SLC38A4: variants seen among roughly 807,000 people sequenced by gnomAD.
SLC38A4 encodes the protein sodium-coupled neutral amino acid transporter 4.
Under a neutral mutation model 63.1 loss-of-function variants are expected in SLC38A4, and 20 were observed. The ratio of observed to expected loss-of-function variants is 0.32; its 90% confidence interval spans 0.22 to 0.46. The LOEUF (loss-of-function observed/expected upper bound fraction) is 0.46, where lower values mean the gene tolerates loss of function less well. SLC38A4 is among the 20% of genes least tolerant of loss of function. The pLI is 1.00. For missense variants in SLC38A4, 526 were observed against 663.6 expected, an observed-to-expected ratio of 0.79 and a Z score of 2.28; for synonymous variants, 230 against 225.5, an observed-to-expected ratio of 1.02 and a Z score of -0.18.
chr12:46,831,879 A>C lies in SLC38A4; in HGVS notation c.-108+448T>G, dbSNP rs1939736316. Among the ~76,000 whole-genome samples the C allele has an allele frequency of 2.0e-5, 3 of 152,126 alleles. No individual in the cohort carries two copies. The South Asian group carries it at 6.2e-4, about 31-fold the overall frequency. On this transcript the variant is annotated intron_variant, in intron 1 of 6. Coordinates refer to the SLC38A4 transcript ENST00000546940. Reference sequence around the variant, plus strand: ...GCCAGGCAGGCGGCGCGGCCACGGAACGCAGTCCCAATACAACCAACTCGA... The same window carrying C: ...GCCAGGCAGGCGGCGCGGCCACGGACCGCAGTCCCAATACAACCAACTCGA...
In SLC38A4 at chr12:46,792,967, C is replaced by G. The variant is rs1363510675; in HGVS notation, c.105G>C (p.Lys35Asn). The change falls in exon 3 of 17, where the codon AAG becomes AAC. Residue 35 changes from lysine (K) to asparagine (N), a missense_variant. By Grantham distance (94) the Lys-to-Asn change is moderately conservative (BLOSUM62 0). Coordinates refer to ENST00000266579, the MANE Select transcript of SLC38A4 (RefSeq NM_018018.5). ...TAACCCCATACCTGCTCATTGCTGC[C>G]TTTTCTGAATTTCCTATCCCGATGT... ...DSYIGIGNSEKAAMSSQFANE... is the reference protein window; with the variant it reads ...DSYIGIGNSENAAMSSQFANE... The G allele has an allele frequency of 1.9e-6, 3 of 1,612,742 alleles. No individual in the cohort carries two copies. The highest frequency in any genetic ancestry group is 2.5e-6 in the Non-Finnish European group (3 of 1,179,112).
At chr12:46,831,073 A>T (rs969485060) in intron 1 of SLC38A4, among the ~76,000 whole-genome samples, 1 of 152,152 alleles carries the variant, frequency 6.6e-6, no homozygotes, top group Admixed American at 6.5e-5. Context: ...CTGGTGCTCA[A>T]AGTAAGGGCA....
At chr12:46,788,165 C>T (rs1938802813) in intron 4 of SLC38A4, 134 bp from the exon 5 acceptor site, 2 of 620,396 alleles carry the variant, frequency 3.2e-6, no homozygotes, top group Non-Finnish European at 5.7e-6. Flanking sequence ...GGAGTAAAGC[C>T]ATTACTCAAC....
At chr12:46,802,137 G>A (rs774657866) in intron 2 of SLC38A4, among the ~76,000 whole-genome samples, 6 of 152,012 alleles carry the variant, frequency 3.9e-5, no homozygotes, top group Non-Finnish European at 7.4e-5. Flanking sequence ...TTGAATATGC[G>A]ATTTTGTTTA....
chr12:46,777,118 A>T, intron 12 of SLC38A4, 114 bp from the exon 13 acceptor site: 1 of 803,884 alleles, frequency 1.2e-6, no homozygotes, highest in Non-Finnish European at 2.0e-6. Flanking sequence ...ATGAAGACAT[A>T]TTTAGTACAT....
At chr12:46,815,272 TATATATATATATACACAC>T (rs1230469603) in intron 1 of SLC38A4, among the ~76,000 whole-genome samples, 1 of 65,104 alleles carries the variant, frequency 1.5e-5, no homozygotes. Flanking sequence ...TATATATATA[TATATATATATATACACAC>T]ACACACACAC....
chr12:46,769,435 CA>C lies in SLC38A4; in HGVS notation c.1300-8del, dbSNP rs534784637. 1.2e-3 allele frequency: 1,957 copies of C among 1,610,080 alleles called. 2 individuals are homozygous for C. The highest frequency in any genetic ancestry group is 1.3e-3 in the Non-Finnish European group (1,556 of 1,177,100). On this transcript the variant is annotated splice_region_variant and splice_polypyrimidine_tract_variant and intron_variant, in intron 14 of 16. Transcript: ENST00000266579. ...TGATCACTGATGTACGAATCTTAAACAAGAAAGTTCAAAGGCAAGATCATTT... is the reference window on the plus strand; with the variant it reads ...TGATCACTGATGTACGAATCTTAAACAGAAAGTTCAAAGGCAAGATCATTT...
At chr12:46,769,500 A>C in intron 14 of SLC38A4, 72 bp from the exon 15 acceptor site, 35 of 1,492,180 alleles carry the variant, frequency 2.3e-5, no homozygotes, top group Non-Finnish European at 2.9e-5. Context: ...AAATATTCTC[A>C]TCACTCTAAT....
intron 4 of SLC38A4, among the ~76,000 whole-genome samples, 154 bp from the exon 5 acceptor site, chr12:46,788,185 A>C (rs1383392633): frequency 1.3e-5 from 2 of 152,240 alleles, no homozygotes; most frequent in African/African-American, 4.8e-5. Flanking sequence ...CATCAATAAA[A>C]GCATGTAATT....
At position 46,788,716 on chromosome 12, in the gene SLC38A4, G is replaced by A; in HGVS notation, c.120-98C>T. 7 of 1,127,562 alleles carry A rather than the reference G, an allele frequency of 6.2e-6. No homozygotes were observed. In the South Asian group the frequency reaches 7.1e-5, roughly 11 times the overall value. The allele number at this position is 1,127,562 out of a possible 1,614,324, so 69.8% of individuals were successfully genotyped here. On this transcript the variant is annotated intron_variant, in intron 3 of 16. Transcript: ENST00000266579. ...GGTGATCTAAGTAACTGAATCAGAG[G>A]AGGGGAAATAAGACACCCCAATTTT...
At position 46,778,716 on chromosome 12, in the gene SLC38A4, T is replaced by A; in HGVS notation, c.778A>T (p.Asn260Tyr). ...PLPVLDHSVG[N>Y]LSFNNTLPMH... ...GGAAGCGTGTTGTTGAATGACAGAT[T>A]TCCAACACTGTGATCCAAAACAGGT... The change falls in exon 11 of 17, where the codon AAT becomes TAT. Residue 260 changes from asparagine (N) to tyrosine (Y), a missense_variant. Transcript: ENST00000266579. 6.2e-7 allele frequency: 1 copy of A among 1,612,818 alleles called. No individual in the cohort carries two copies. Among genetic ancestry groups the A allele is most frequent in the Non-Finnish European group, 8.5e-7 (1 of 1,179,266 alleles).
intron 1 of SLC38A4, among the ~76,000 whole-genome samples, chr12:46,820,877 G>A (rs1035380188): frequency 1.3e-5 from 2 of 151,964 alleles, no homozygotes; most frequent in Admixed American, 6.6e-5. Flanking sequence ...GTCCTAATGT[G>A]TGTGTGGTGA....
intron 2 of SLC38A4, among the ~76,000 whole-genome samples, chr12:46,797,632 T>C (rs894355754): frequency 6.6e-6 from 1 of 152,164 alleles, no homozygotes; most frequent in African/African-American, 2.4e-5. Flanking sequence ...ATCTTATATC[T>C]ATATACATCT....
chr12:46,811,050 A>G (rs2120890823), intron 1 of SLC38A4, among the ~76,000 whole-genome samples: 1 of 152,172 alleles, frequency 6.6e-6, no homozygotes, highest in East Asian at 1.9e-4. Flanking sequence ...ATGGGCATAT[A>G]ATATTTTTTA....
Position 46,764,836 on chromosome 12 carries a change from G to T in SLC38A4, c.*1865C>A, listed in dbSNP as rs1024295854. The T allele has an allele frequency of 2.6e-5, 4 of 152,602 alleles. No homozygotes were observed. The East Asian group carries it at 7.7e-4, about 29-fold the overall frequency. The allele number at this position is 152,602 out of a possible 1,614,324, so 9.5% of individuals were successfully genotyped here. On this transcript the variant is annotated 3_prime_UTR_variant, in exon 17 of 17. Coordinates refer to ENST00000266579, the MANE Select transcript of SLC38A4 (RefSeq NM_018018.5). ...AAAAAGAAGCCTCCCAATACATTGA[G>T]CCATCTTATAAATGAAATAAGAAAA... is the stretch of plus-strand genomic sequence containing the variant.
At chr12:46,831,813 G>T (rs577350665) in intron 1 of SLC38A4, among the ~76,000 whole-genome samples, 2 of 149,152 alleles carry the variant, frequency 1.3e-5, no homozygotes, top group African/African-American at 5.2e-5. Context: ...GATCCCGGGC[G>T]GTCGCGGAGC....
At chr12:46,822,622 T>G (rs1939573104) in intron 1 of SLC38A4, among the ~76,000 whole-genome samples, 1 of 152,064 alleles carries the variant, frequency 6.6e-6, no homozygotes, top group Admixed American at 6.6e-5. Context: ...CCAAGACACG[T>G]GGAAATGAAC....
chr12:46,803,898 T>A (rs1939180434), intron 1 of SLC38A4, 104 bp from the exon 2 acceptor site: 1 of 152,082 alleles, frequency 6.6e-6, no homozygotes, highest in African/African-American at 2.4e-5. Context: ...TTGGCTTTCA[T>A]ACAATAAAAT....
intron 14 of SLC38A4, among the ~76,000 whole-genome samples, chr12:46,770,069 CT>C (rs1418299639): frequency 6.6e-6 from 1 of 151,994 alleles, no homozygotes; most frequent in Non-Finnish European, 1.5e-5. Flanking sequence ...CTTTCACTTT[CT>C]TAGTTTTCAG....
Sources: allele counts gnomAD v4.1 joint callset (sites outside exome capture counted in the v4.1 genomes callset), GRCh38; gene constraint gnomAD v4.1.1; transcripts MANE v1.5; gene names NCBI Gene and HGNC (gene_info 2026-07-23, HGNC 2026-07-21).